ABHD18: variants seen among roughly 807,000 people sequenced by gnomAD.
ABHD18 encodes the protein cardiolipin-specific deacylase, mitochondrial.
ABHD18 carries 55 observed loss-of-function variants against 65.9 expected under a neutral mutation model. The ratio of observed to expected loss-of-function variants is 0.84; its 90% confidence interval spans 0.67 to 1.05. ABHD18 has a LOEUF of 1.05. ABHD18 is among the 50% of genes least tolerant of loss of function. The pLI, the probability that ABHD18 is intolerant of heterozygous loss-of-function variation, is 0.00. For missense variants in ABHD18, 533 were observed against 558.5 expected (o/e 0.95, Z 0.46); for synonymous variants, 181 against 180.2 (o/e 1.00, Z -0.04).
intron 6 of ABHD18, chr4:128,009,720 G>T (rs890419566): frequency 6.5e-6 from 1 of 152,990 alleles, no homozygotes; most frequent in Non-Finnish European, 1.5e-5. Flanking sequence ...ACTAATGACT[G>T]AAAATTAGTT....
chr4:128,032,095 A>C (rs1391377111), intron 12 of ABHD18, among the ~76,000 whole-genome samples: 1 of 152,220 alleles, frequency 6.6e-6, no homozygotes, highest in East Asian at 1.9e-4. Flanking sequence ...GGAAGAGTAG[A>C]TTTATAATCA....
Position 128,038,207 on chromosome 4 carries a change from C to G in ABHD18, c.*2394C>G, listed in dbSNP as rs180725354. On this transcript the variant is annotated 3_prime_UTR_variant, in exon 13 of 13. Coordinates refer to ENST00000645843, the MANE Select transcript of ABHD18 (RefSeq NM_001358451.3). ...ACTACTTTGGCATAACAAGCCAACA[C>G]TGTACAGCTCTTTGAGCTATAAGCA... The G allele has an allele frequency of 2.0e-5, 3 of 152,320 alleles. No individual in the cohort carries two copies. Among genetic ancestry groups the G allele is most frequent in the East Asian group, 3.9e-4 (2 of 5,194 alleles). 9.4% of individuals were successfully genotyped at this position (152,320 alleles called of 1,614,324 possible).
At chr4:128,031,114 T>C (rs1758141102) in intron 12 of ABHD18, 3 of 989,164 alleles carry the variant, frequency 3.0e-6, no homozygotes, top group Non-Finnish European at 3.6e-6. Context: ...GTGCTTTTAA[T>C]GTGAACAACC....
chr4:127,973,566 C>T (rs899297498), intron 1 of ABHD18, among the ~76,000 whole-genome samples: 1 of 151,980 alleles, frequency 6.6e-6, no homozygotes, highest in South Asian at 2.1e-4. Context: ...TTTGTGTGAT[C>T]CCCTTCCTTG....
At chr4:127,970,052 A>AT (rs940685749) in intron 1 of ABHD18, among the ~76,000 whole-genome samples, 18 of 145,204 alleles carry the variant, frequency 1.2e-4, no homozygotes, top group Middle Eastern at 3.5e-3. Flanking sequence ...CCTGGCCAGG[A>AT]TTTTTTTTTT....
At chr4:128,026,118 G>C (rs1309784012) in intron 10 of ABHD18, among the ~76,000 whole-genome samples, 1 of 151,992 alleles carries the variant, frequency 6.6e-6, no homozygotes, top group African/African-American at 2.4e-5. Flanking sequence ...GTGAAACCCC[G>C]TCTCTACTTA....
chr4:127,971,447 AC>A (rs1746760555), intron 1 of ABHD18, among the ~76,000 whole-genome samples: 1 of 101,250 alleles, frequency 9.9e-6, no homozygotes, highest in African/African-American at 3.8e-5. Context: ...ATGTCATGCC[AC>A]CCCCTGCCAC....
At chr4:128,018,313 A>C (rs1755858460) in intron 8 of ABHD18, among the ~76,000 whole-genome samples, 1 of 152,144 alleles carries the variant, frequency 6.6e-6, no homozygotes, top group South Asian at 2.1e-4. Context: ...CATTTTTAAA[A>C]AATTATTAGT....
intron 1 of ABHD18, among the ~76,000 whole-genome samples, chr4:127,968,502 A>G (rs1158725598): frequency 3.9e-5 from 6 of 152,212 alleles, no homozygotes; most frequent in African/African-American, 1.4e-4. Flanking sequence ...CAATGTAAGG[A>G]TAAAAGTCCA....
At chr4:128,025,431 C>T (rs1757199159) in intron 10 of ABHD18, among the ~76,000 whole-genome samples, 1 of 152,132 alleles carries the variant, frequency 6.6e-6, no homozygotes, top group Non-Finnish European at 1.5e-5. Context: ...AGCCACTGTG[C>T]CCAGCCTCAC....
intron 4 of ABHD18, among the ~76,000 whole-genome samples, chr4:127,996,887 T>C (rs1408277775): frequency 6.6e-6 from 1 of 152,250 alleles, no homozygotes; most frequent in Non-Finnish European, 1.5e-5. Flanking sequence ...TCAGACCTTA[T>C]GGTTATCTTC....
intron 6 of ABHD18, among the ~76,000 whole-genome samples, chr4:128,011,060 T>C (rs1754447000): frequency 6.6e-6 from 1 of 152,152 alleles, no homozygotes. Flanking sequence ...ATAAACTTCA[T>C]TTTAAATTTA....
intron 8 of ABHD18, 131 bp downstream of exon 8, chr4:128,017,632 C>A: frequency 1.4e-6 from 1 of 729,254 alleles, no homozygotes; most frequent in Non-Finnish European, 2.1e-6. Context: ...AAACAGATTC[C>A]AAACTCTTAC....
intron 3 of ABHD18, among the ~76,000 whole-genome samples, chr4:127,988,230 C>T (rs1750324587): frequency 6.6e-6 from 1 of 151,916 alleles, no homozygotes; most frequent in African/African-American, 2.4e-5. Flanking sequence ...TTTTTGTAAA[C>T]AAAATACTGT....
rs748133822 is a variant in ABHD18 at position 128,028,707 on chromosome 4, C to G, written c.1034C>G (p.Ser345Ter). The G allele has an allele frequency of 1.9e-6, 3 of 1,613,944 alleles. No individual in the cohort carries two copies. The highest frequency in any genetic ancestry group is 1.1e-5 in the South Asian group (1 of 91,088). Residue 345 changes from serine to a stop codon, truncating the protein, a stop_gained, in exon 11 of 13, where the codon TCA becomes TGA. Coordinates refer to ENST00000645843, the MANE Select transcript of ABHD18 (RefSeq NM_001358451.3). LOFTEE classifies it high-confidence loss of function. Reference sequence around the variant, plus strand: ...ATGAAGCGCTTCAATCAAACACTTTCAACCAACAAAAGTGGTTATACAAGT... The same window carrying G: ...ATGAAGCGCTTCAATCAAACACTTTGAACCAACAAAAGTGGTTATACAAGT... ...SKMKRFNQTL[S>*]TNKSGYTSRN... is the part of the protein sequence containing the mutation.
chr4:128,014,475 C>G (rs914102678), intron 7 of ABHD18, among the ~76,000 whole-genome samples: 10 of 152,064 alleles, frequency 6.6e-5, no homozygotes, highest in African/African-American at 9.7e-5. Context: ...TACTGATTAC[C>G]TCATTCATAA....
chr4:127,985,061 G>A (rs1171485103), intron 3 of ABHD18, among the ~76,000 whole-genome samples: 2 of 152,060 alleles, frequency 1.3e-5, no homozygotes, highest in South Asian at 2.1e-4. Flanking sequence ...ACAATAGTGA[G>A]TATTAAAGGG....
chr4:128,030,367 G>T, intron 11 of ABHD18, 143 bp from the exon 12 acceptor site: 1 of 498,484 alleles, frequency 2.0e-6, no homozygotes, highest in Non-Finnish European at 3.3e-6. Flanking sequence ...TCTCGTACTG[G>T]AGATGAGTAA....
chr4:127,999,454 T>G (rs1454617744), intron 4 of ABHD18, among the ~76,000 whole-genome samples: 1 of 152,150 alleles, frequency 6.6e-6, no homozygotes, highest in African/African-American at 2.4e-5. Flanking sequence ...AAGCACTCAT[T>G]TAGATTGTTT....
Sources: gnomAD v4.1 joint callset for allele counts (sites outside exome capture counted in the v4.1 genomes callset) on GRCh38, gnomAD v4.1.1 for gene constraint, MANE v1.5 for transcripts, NCBI Gene and HGNC (gene_info 2026-07-23, HGNC 2026-07-21) for gene names.